AGT: variants seen among roughly 807,000 people sequenced by gnomAD.
AGT encodes the protein alpha-1 antiproteinase, antitrypsin.
Under a neutral mutation model 28.1 loss-of-function variants are expected in AGT, and 26 were observed. The ratio of observed to expected loss-of-function variants is 0.92; its 90% CI spans 0.68 to 1.28. The LOEUF is 1.28. Among genes scored for constraint, AGT ranks in the 50% most tolerant of loss-of-function variants. AGT has a pLI of 0.00. For synonymous variants in AGT, 259 were observed against 259.6 expected (o/e 1.00, Z 0.02); for missense variants, 596 against 592.3 (o/e 1.01, Z -0.06).
chr1:230,740,727 G>C (rs754406523), intron 1 of AGT, among the ~76,000 whole-genome samples: 1 of 152,134 alleles, frequency 6.6e-6, no homozygotes, highest in Non-Finnish European at 1.5e-5. Context: ...GAGGTGAGTG[G>C]ATCATGAGGT....
At chr1:230,731,719 T>G (rs1164928071) in intron 1 of AGT, among the ~76,000 whole-genome samples, 3 of 151,944 alleles carry the variant, frequency 2.0e-5, no homozygotes, top group African/African-American at 7.3e-5. Context: ...TACAAAAAAT[T>G]AGCCAGGCAT....
intron 1 of AGT, among the ~76,000 whole-genome samples, chr1:230,734,868 C>T (rs1439598379): frequency 2.6e-5 from 4 of 152,006 alleles, no homozygotes; most frequent in Non-Finnish European, 5.9e-5. Flanking sequence ...TGCCACCACG[C>T]CTGGCTAACT....
At chr1:230,726,181 G>GTTA (rs1369400356) in intron 1 of AGT, among the ~76,000 whole-genome samples, 1 of 152,152 alleles carries the variant, frequency 6.6e-6, no homozygotes, top group African/African-American at 2.4e-5. Context: ...TAATAAACAA[G>GTTA]TTATTGATGA....
At position 230,704,353 on chromosome 1, in the gene AGT, A is replaced by G; in HGVS notation, c.1098-16T>C. 1.9e-6 allele frequency: 3 copies of G among 1,613,772 alleles called. No homozygotes were observed. Among genetic ancestry groups the G allele is most frequent in the Non-Finnish European group, 2.5e-6 (3 of 1,179,904 alleles). ...GTGGATGGTCCTGGGGAGATGATGC[A>G]CAGTTAGGAAGGCTCCAGGCCACAC... On this transcript the variant is annotated splice_polypyrimidine_tract_variant and intron_variant, in intron 3 of 4. Coordinates refer to ENST00000366667, the MANE Select transcript of AGT (RefSeq NM_001384479.1).
At chr1:230,707,749 T>G (rs956670289) in intron 2 of AGT, among the ~76,000 whole-genome samples, 2 of 152,212 alleles carry the variant, frequency 1.3e-5, no homozygotes, top group African/African-American at 4.8e-5. Flanking sequence ...GGAAGCTGCC[T>G]CCCAAAAGAC....
chr1:230,728,895 T>C (rs1664001619), intron 1 of AGT, among the ~76,000 whole-genome samples: 1 of 152,140 alleles, frequency 6.6e-6, no homozygotes, highest in Non-Finnish European at 1.5e-5. Flanking sequence ...ATAGTGAGGA[T>C]TGAATTAGTT....
intron 1 of AGT, among the ~76,000 whole-genome samples, chr1:230,720,015 GA>G (rs1218754862): frequency 6.6e-6 from 1 of 152,126 alleles, no homozygotes; most frequent in Non-Finnish European, 1.5e-5. Context: ...AATTTTATTA[GA>G]AAAGGTTTAG....
chr1:230,712,329 CT>C (rs1429847752), intron 1 of AGT, among the ~76,000 whole-genome samples: 1 of 152,056 alleles, frequency 6.6e-6, no homozygotes, highest in Non-Finnish European at 1.5e-5. Context: ...CACGGTGCAG[CT>C]GCTGAAGTAC....
upstream of AGT, among the ~76,000 whole-genome samples, chr1:230,718,874 T>C (rs1343756425): frequency 6.6e-6 from 1 of 151,968 alleles, no homozygotes; most frequent in Non-Finnish European, 1.5e-5. Flanking sequence ...TACAGATGCA[T>C]GCCATGACAC....
chr1:230,705,523 A>G (rs967002141), intron 3 of AGT, among the ~76,000 whole-genome samples: 1 of 152,158 alleles, frequency 6.6e-6, no homozygotes, highest in African/African-American at 2.4e-5. Flanking sequence ...ACCCCCGCTC[A>G]CGCGAAGTCC....
chr1:230,722,284 G>A (rs1234394086), intron 1 of AGT, among the ~76,000 whole-genome samples: 1 of 152,240 alleles, frequency 6.6e-6, no homozygotes, highest in Admixed American at 6.5e-5. Flanking sequence ...GAGTATGTAT[G>A]GAAATGCCTG....
intron 1 of AGT, among the ~76,000 whole-genome samples, chr1:230,744,904 T>A (rs756278710): frequency 3.9e-5 from 6 of 152,220 alleles, no homozygotes; most frequent in Non-Finnish European, 7.3e-5. Flanking sequence ...CCCAGAGATC[T>A]GGGCTGGTAA....
At chr1:230,718,352 A>T (rs953545941), upstream of AGT, among the ~76,000 whole-genome samples, 5 of 152,188 alleles carry the variant, frequency 3.3e-5, no homozygotes, top group African/African-American at 4.8e-5. Context: ...GAAAATTAAC[A>T]TATCCATCAT....
At chr1:230,738,633 C>T (rs962562636) in intron 1 of AGT, among the ~76,000 whole-genome samples, 2 of 152,138 alleles carry the variant, frequency 1.3e-5, no homozygotes, top group Non-Finnish European at 2.9e-5. Flanking sequence ...GGTATGCTTG[C>T]TGGCTAATGC....
chr1:230,734,860 C>T (rs1664126962), intron 1 of AGT, among the ~76,000 whole-genome samples: 1 of 152,050 alleles, frequency 6.6e-6, no homozygotes, highest in Admixed American at 6.5e-5. Flanking sequence ...CAGGCGCCTG[C>T]CACCACGCCT....
intron 1 of AGT, among the ~76,000 whole-genome samples, chr1:230,712,267 C>T (rs1663614331): frequency 6.6e-6 from 1 of 152,188 alleles, no homozygotes; most frequent in African/African-American, 2.4e-5. Context: ...ATTCTTCTTA[C>T]ATTGGCAGCT....
chr1:230,728,688 A>T (rs1278231617), intron 1 of AGT, among the ~76,000 whole-genome samples: 1 of 152,188 alleles, frequency 6.6e-6, no homozygotes, highest in African/African-American at 2.4e-5. Flanking sequence ...CCTCATTTTC[A>T]TGCTTTGTAA....
chr1:230,711,262 G>A (rs1663581740), intron 1 of AGT, among the ~76,000 whole-genome samples: 1 of 151,946 alleles, frequency 6.6e-6, no homozygotes, highest in African/African-American at 2.4e-5. Context: ...ACACACAGAG[G>A]GAAGACCATG....
rs115963555 is a variant in AGT, at chr1:230,731,970, G to A, written c.-31+13545C>T. ...CCTCTATCCAGCATCTTTGTGCAGC[G>A]GCTCCTCATCACTCATATCTCAGCT... On this transcript the variant is annotated intron_variant, in intron 1 of 4. Coordinates refer to the AGT transcript ENST00000681269. Among the ~76,000 whole-genome samples the A allele has an allele frequency of 1.8e-3, 273 of 152,024 alleles. 2 individuals carry two copies. Among genetic ancestry groups the A allele is most frequent in the African/African-American group, 6.2e-3 (258 of 41,476 alleles).
Sources: gnomAD v4.1 joint callset for allele counts (sites outside exome capture counted in the v4.1 genomes callset) on GRCh38, gnomAD v4.1.1 for gene constraint, MANE v1.5 for transcripts, NCBI Gene and HGNC (gene_info 2026-07-23, HGNC 2026-07-21) for gene names.